ATRX: variants seen among roughly 807,000 people sequenced by gnomAD.
ATRX encodes chromatin remodeler ATRX.
ATRX carries 12 observed loss-of-function variants against 172.6 expected under a neutral mutation model. That is an observed-to-expected ratio of 0.07 (90% CI 0.04 to 0.11). The LOEUF (loss-of-function observed/expected upper bound fraction) is 0.11. Ranked by LOEUF, ATRX falls within the 10% of genes least tolerant of loss-of-function variation. The probability of loss-of-function intolerance (pLI) is 1.00; values close to 1 mark genes in which losing one functional copy is unlikely to be tolerated. For missense variants in ATRX, 1,368 were observed against 1,767.4 expected, an observed-to-expected ratio of 0.77 and a Z score of 4.05; for synonymous variants, 674 against 594.7, an observed-to-expected ratio of 1.13 and a Z score of -1.94.
chrX:77,726,145 A>G (rs530099896), intron 1 of ATRX, among the ~76,000 whole-genome samples: 1 of 111,679 alleles, frequency 9.0e-6, no homozygotes, highest in East Asian at 2.8e-4. Flanking sequence ...AGGATTATCA[A>G]TCATGCTGCT....
chrX:77,565,780 T>A (rs2147984132), intron 28 of ATRX, among the ~76,000 whole-genome samples: 1 of 110,076 alleles, frequency 9.1e-6, no homozygotes, highest in East Asian at 2.9e-4. Flanking sequence ...TGCTTGAACC[T>A]GGAAGGTGGA....
chrX:77,718,760 T>C lies in ATRX; in HGVS notation c.21-1517A>G, dbSNP rs1288164201. Reference sequence around the variant, plus strand: ...GTTAAAACTTTAAATAAGGAAAGTATAAGTTTACCCCATTTTTTTTCCTTA... The same window carrying C: ...GTTAAAACTTTAAATAAGGAAAGTACAAGTTTACCCCATTTTTTTTCCTTA... On this transcript the variant is annotated intron_variant, in intron 1 of 34. Transcript: ENST00000373344. Among the ~76,000 whole-genome samples the C allele has an allele frequency of 7.2e-5, 8 of 110,345 alleles. No individual in the cohort carries two copies. In the East Asian group the frequency reaches 8.6e-4, roughly 12 times the overall value.
chrX:77,778,120 C>A (rs1349467486), intron 1 of ATRX, among the ~76,000 whole-genome samples: 5 of 101,295 alleles, frequency 4.9e-5, no homozygotes, highest in African/African-American at 1.8e-4. Flanking sequence ...CAGAGTGAGA[C>A]TCTGTCTCAA....
At chrX:77,650,872 G>A (rs2069183211) in intron 15 of ATRX, among the ~76,000 whole-genome samples, 1 of 111,992 alleles carries the variant, frequency 8.9e-6, no homozygotes, top group South Asian at 3.6e-4. Context: ...ACAGGCGTGA[G>A]CCACCGCGCC....
chrX:77,650,478 G>C lies in ATRX; in HGVS notation c.4557+1636C>G, dbSNP rs782231272. ...CAAATGAACTGTAAGAATGGGTAAA[G>C]AAAAAGAAAGAACCAAAGAGAAACT... On this transcript the variant is annotated intron_variant, in intron 15 of 34. Coordinates refer to ENST00000373344, the MANE Select transcript of ATRX (RefSeq NM_000489.6). Among the ~76,000 whole-genome samples the C allele has an allele frequency of 8.1e-5, 9 of 111,788 alleles. No individual in the cohort carries two copies. In the South Asian group the frequency reaches 3.3e-3, roughly 41 times the overall value.
At chrX:77,640,670 C>A (rs782206647) in intron 15 of ATRX, among the ~76,000 whole-genome samples, 6 of 110,782 alleles carry the variant, frequency 5.4e-5, no homozygotes, top group Non-Finnish European at 1.1e-4. Context: ...CAACAAGACC[C>A]CTATATTCCC....
chrX:77,684,545 A>G lies in ATRX; in HGVS notation c.711T>C (p.Asn237=), dbSNP rs782710787. ...GTAGAATGCATTTCTTGCAGAAAGC[A>G]TTATGGCAAAAGTCACAACAAATCA... ...GNLICCDFCH[N]AFCKKCILRN... Residue 237 remains asparagine (N), a synonymous_variant, in exon 9 of 35, where the codon AAT becomes AAC. Coordinates refer to ENST00000373344, the MANE Select transcript of ATRX (RefSeq NM_000489.6). 1.4e-4 allele frequency: 171 copies of G among 1,210,019 alleles called. 1 individual carries two copies. The South Asian group carries it at 2.9e-3, about 20-fold the overall frequency.
At chrX:77,746,865 T>C (rs1557185219) in intron 1 of ATRX, among the ~76,000 whole-genome samples, 1 of 111,230 alleles carries the variant, frequency 9.0e-6, no homozygotes, top group East Asian at 2.8e-4. Flanking sequence ...AGTGGCGCGA[T>C]CTCGGCTCTA....
At chrX:77,544,471 G>C (rs1363190999) in intron 30 of ATRX, among the ~76,000 whole-genome samples, 2 of 109,605 alleles carry the variant, frequency 1.8e-5, no homozygotes, top group Admixed American at 9.8e-5. Context: ...CATTGTGCAG[G>C]TTAGTTACAT....
At chrX:77,723,418 A>G (rs1386828383) in intron 1 of ATRX, among the ~76,000 whole-genome samples, 4 of 111,857 alleles carry the variant, frequency 3.6e-5, no homozygotes, top group Non-Finnish European at 7.5e-5. Context: ...ATAGCTCAGT[A>G]TATTTAGGGA....
chrX:77,515,961 A>C (rs1355730975), intron 34 of ATRX, among the ~76,000 whole-genome samples: 1 of 111,784 alleles, frequency 8.9e-6, no homozygotes, highest in Non-Finnish European at 1.9e-5. Flanking sequence ...ATCCTTAGCA[A>C]ACTAATGCAG....
chrX:77,537,395 G>C (rs1318637713), intron 30 of ATRX, among the ~76,000 whole-genome samples: 1 of 111,825 alleles, frequency 8.9e-6, no homozygotes, highest in Non-Finnish European at 1.9e-5. Context: ...ACATGTGACA[G>C]AATTTAATCA....
chrX:77,567,378 A>C (rs2065237301), intron 28 of ATRX, among the ~76,000 whole-genome samples: 1 of 111,679 alleles, frequency 9.0e-6, no homozygotes, highest in African/African-American at 3.2e-5. Flanking sequence ...TTCAAATACA[A>C]CAACATAGGT....
At chrX:77,569,923 G>A (rs1026882997) in intron 28 of ATRX, among the ~76,000 whole-genome samples, 1 of 111,862 alleles carries the variant, frequency 8.9e-6, no homozygotes, top group Non-Finnish European at 1.9e-5. Context: ...GTCTAGACAA[G>A]ATTATTCTAA....
intron 15 of ATRX, among the ~76,000 whole-genome samples, chrX:77,638,734 A>C (rs782238461): frequency 8.9e-6 from 1 of 112,743 alleles, no homozygotes; most frequent in African/African-American, 3.2e-5. Flanking sequence ...GTACTTACAT[A>C]AAATTGTGAT....
chrX:77,712,692 G>A (rs941009531), intron 2 of ATRX, among the ~76,000 whole-genome samples: 17 of 110,951 alleles, frequency 1.5e-4, no homozygotes, highest in African/African-American at 4.6e-4. Flanking sequence ...AGCTGGGCAC[G>A]GTGGTGTGCA....
chrX:77,608,751 T>G (rs918868144), intron 22 of ATRX, among the ~76,000 whole-genome samples: 11 of 111,035 alleles, frequency 9.9e-5, no homozygotes, highest in Non-Finnish European at 2.1e-4. Flanking sequence ...TCATATCAAG[T>G]TAAAAAGCTT....
intron 15 of ATRX, among the ~76,000 whole-genome samples, chrX:77,643,926 C>A (rs148696825): frequency 1.0e-4 from 11 of 108,652 alleles, no homozygotes; most frequent in African/African-American, 3.3e-4. Context: ...AGAGAGCAGG[C>A]ATTAAAAAAA....
chrX:77,552,850 C>G (rs1368499846), intron 30 of ATRX, among the ~76,000 whole-genome samples: 1 of 110,904 alleles, frequency 9.0e-6, no homozygotes, highest in Non-Finnish European at 1.9e-5. Flanking sequence ...GAAAGAGATA[C>G]AGTAATCACA....
Sources: allele counts gnomAD v4.1 joint callset (sites outside exome capture counted in the v4.1 genomes callset), GRCh38; gene constraint gnomAD v4.1.1; transcripts MANE v1.5; gene names NCBI Gene and HGNC (gene_info 2026-07-23, HGNC 2026-07-21).